Variants in HELZ observed in about 807,000 individuals in gnomAD.
HELZ encodes helicase with zinc finger, also known as ATP-dependent RNA helicase with zinc finger domain.
Under a neutral mutation model 218.2 loss-of-function variants are expected in HELZ, and 23 were observed. The observed-to-expected ratio is 0.11, with a 90% confidence interval of 0.08 to 0.15. The LOEUF (loss-of-function observed/expected upper bound fraction) is 0.15. HELZ is among the 10% of genes least tolerant of loss of function. The probability of loss-of-function intolerance (pLI) is 1.00; values close to 1 mark genes in which losing one functional copy is unlikely to be tolerated. For missense variants in HELZ, 1,813 were observed against 2,353.7 expected (o/e 0.77, Z 4.75); for synonymous variants, 814 against 829.4 (o/e 0.98, Z 0.32).
intron 23 of HELZ, among the ~76,000 whole-genome samples, chr17:67,135,073 A>G (rs1268822427): frequency 2.6e-5 from 4 of 152,040 alleles, no homozygotes; most frequent in African/African-American, 4.8e-5. Context: ...ATTAACTGGT[A>G]TAAGTCACAA....
intron 31 of HELZ, among the ~76,000 whole-genome samples, chr17:67,091,736 CA>C (rs759820456): frequency 3.9e-5 from 6 of 152,128 alleles, no homozygotes; most frequent in Non-Finnish European, 8.8e-5. Flanking sequence ...GGTATCTTTC[CA>C]TGTCATGGAC....
intron 3 of HELZ, among the ~76,000 whole-genome samples, chr17:67,219,393 T>C (rs190727152): frequency 7.2e-5 from 11 of 152,358 alleles, no homozygotes; most frequent in South Asian, 2.1e-4. Context: ...AGACAGGGCA[T>C]GTCATCTCTG....
Position 67,109,668 on chromosome 17 carries a change from G to T in HELZ, c.3937C>A (p.Pro1313Thr). ...EPKQVDLESN[P>T]QNRSPESRPS... ...CGTGATTCAGGACTTCTGTTCTGTGGATTTGATTCCAAATCAACCTAGAAA... is the reference window on the plus strand; with the variant it reads ...CGTGATTCAGGACTTCTGTTCTGTGTATTTGATTCCAAATCAACCTAGAAA... The change falls in exon 29 of 33, where the codon CCA becomes ACA. Residue 1313 changes from proline (P) to threonine (T), a missense_variant. Physicochemically the swap from Pro to Thr is conservative, Grantham distance 38. This residue lies in a region of HELZ where 938 missense variants were observed against 1,027.5 expected (regional missense o/e 0.91). Coordinates refer to ENST00000358691, the MANE Select transcript of HELZ (RefSeq NM_014877.4). 1 of 1,603,626 alleles carries T rather than the reference G, an allele frequency of 6.2e-7. No homozygotes were observed. The highest frequency in any genetic ancestry group is 1.1e-5 in the South Asian group (1 of 89,740).
At chr17:67,203,222 AAG>A (rs2040212833) in intron 6 of HELZ, 95 bp downstream of exon 6, 2 of 1,306,140 alleles carry the variant, frequency 1.5e-6, no homozygotes, top group African/African-American at 3.0e-5. Context: ...GAAGAACTAA[AAG>A]AAAAAAAGAT....
intron 5 of HELZ, among the ~76,000 whole-genome samples, chr17:67,212,061 C>T (rs1426098399): frequency 1.3e-5 from 2 of 151,828 alleles, no homozygotes; most frequent in Non-Finnish European, 2.9e-5. Flanking sequence ...AGTAAGAGAA[C>T]AGACATCAAG....
At chr17:67,170,973 G>A (rs1447269061) in intron 13 of HELZ, among the ~76,000 whole-genome samples, 1 of 151,540 alleles carries the variant, frequency 6.6e-6, no homozygotes, top group Non-Finnish European at 1.5e-5. Context: ...TACTTATAGT[G>A]CAAGAAATTC....
At chr17:67,196,259 G>T (rs1432296162) in intron 7 of HELZ, among the ~76,000 whole-genome samples, 4 of 152,106 alleles carry the variant, frequency 2.6e-5, no homozygotes, top group Admixed American at 2.6e-4. Flanking sequence ...TCCCACAGAG[G>T]AGTCCAAGGC....
intron 2 of HELZ, among the ~76,000 whole-genome samples, chr17:67,241,111 A>T (rs2041304001): frequency 6.6e-6 from 1 of 152,240 alleles, no homozygotes; most frequent in Non-Finnish European, 1.5e-5. Flanking sequence ...GAATGGTAAG[A>T]TAGTATGGCA....
Position 67,108,473 on chromosome 17 carries a change from T to A in HELZ, c.4724+19A>T, listed in dbSNP as rs753704132. The stretch of plus-strand genomic sequence containing the variant: ...GAGGGGGTCGCATTCCAGGGGCTAT[T>A]TTCAGTCCGCTGGAATACCTTGAGT... On this transcript the variant is annotated intron_variant, in intron 30 of 32. Coordinates refer to ENST00000358691, the MANE Select transcript of HELZ (RefSeq NM_014877.4). The surrounding 1 kb of genome is among the most constrained non-coding windows in gnomAD (Gnocchi z 4.1). The A allele has an allele frequency of 6.3e-7, 1 of 1,589,436 alleles. No homozygotes were observed. The highest frequency in any genetic ancestry group is 1.1e-5 in the South Asian group (1 of 90,486).
chr17:67,245,587 C>G (rs969866665), upstream of HELZ: 1 of 917,580 alleles, frequency 1.1e-6, no homozygotes, highest in Non-Finnish European at 1.3e-6. Flanking sequence ...TGGATGTGAG[C>G]GTTTCTGCTC....
chr17:67,216,517 T>G (rs1213281088), intron 4 of HELZ, among the ~76,000 whole-genome samples: 1 of 152,348 alleles, frequency 6.6e-6, no homozygotes, highest in Admixed American at 6.5e-5. Flanking sequence ...TCTCTCCCAC[T>G]AGCTACCATT....
upstream of HELZ, chr17:67,245,438 T>C (rs1407265945): frequency 5.7e-5 from 55 of 973,216 alleles, no homozygotes; most frequent in Non-Finnish European, 6.6e-5. Flanking sequence ...TGCCCCGGCC[T>C]CCCTGCCCCC....
At chr17:67,114,451 A>T in intron 27 of HELZ, 48 bp from the exon 28 acceptor site, 1 of 1,076,084 alleles carries the variant, frequency 9.3e-7, no homozygotes, top group Non-Finnish European at 1.4e-6. Flanking sequence ...AGTGGATATG[A>T]CACTTCCAAT....
At chr17:67,245,587 C>T (rs969866665), upstream of HELZ, 4 of 917,584 alleles carry the variant, frequency 4.4e-6, no homozygotes, top group South Asian at 1.0e-4. Flanking sequence ...TGGATGTGAG[C>T]GTTTCTGCTC....
chr17:67,239,766 T>TA (rs1347148328), intron 2 of HELZ: 4 of 152,192 alleles, frequency 2.6e-5, no homozygotes, highest in African/African-American at 9.7e-5. Context: ...ATCTGGAAAA[T>TA]AAGTCACTTA....
intron 5 of HELZ, among the ~76,000 whole-genome samples, chr17:67,207,498 G>C (rs902102968): frequency 2.0e-5 from 3 of 152,042 alleles, no homozygotes; most frequent in African/African-American, 7.2e-5. Context: ...GGGATTACAG[G>C]TGTGAGCCAC....
At chr17:67,091,275 G>A (rs1421343702) in intron 31 of HELZ, among the ~76,000 whole-genome samples, 1 of 151,712 alleles carries the variant, frequency 6.6e-6, no homozygotes, top group African/African-American at 2.4e-5. Context: ...AAAAAGAAGG[G>A]GAAAAAAGCC....
intron 12 of HELZ, among the ~76,000 whole-genome samples, chr17:67,183,158 A>G (rs996908742): frequency 7.2e-5 from 11 of 152,314 alleles, no homozygotes; most frequent in Middle Eastern, 3.4e-3. Context: ...TGACTGCCCA[A>G]ATTAACAATA....
At chr17:67,153,337 G>A (rs898609688) in intron 17 of HELZ, among the ~76,000 whole-genome samples, 16 of 152,182 alleles carry the variant, frequency 1.1e-4, no homozygotes, top group Admixed American at 1.0e-3. Flanking sequence ...TTTAGAATGG[G>A]AGGGAAAGTA....
Sources: allele counts gnomAD v4.1 joint callset (sites outside exome capture counted in the v4.1 genomes callset), GRCh38; gene constraint gnomAD v4.1.1; regional missense constraint gnomAD v4.1.1; non-coding constraint Gnocchi (gnomAD v3.1); transcripts MANE v1.5; gene names NCBI Gene and HGNC (gene_info 2026-07-23, HGNC 2026-07-21).